Variants in ROBO1 observed in about 807,000 individuals in gnomAD.
The protein encoded by ROBO1 is roundabout guidance receptor 1.
ROBO1 carries 149 observed loss-of-function variants against 195.9 expected under a neutral mutation model. The ratio of observed to expected loss-of-function variants is 0.76; its 90% CI spans 0.67 to 0.87. The LOEUF (loss-of-function observed/expected upper bound fraction) is 0.87. Among genes scored for constraint, ROBO1 ranks in the 40% least tolerant of loss-of-function variants. ROBO1 has a pLI of 0.00. For missense variants in ROBO1, 1,933 were observed against 2,068.3 expected (o/e 0.93, Z 1.27); for synonymous variants, 816 against 733.2 (o/e 1.11, Z -1.82).
chr3:78,714,259 A>G, intron 8 of ROBO1, 138 bp downstream of exon 8: 3 of 805,742 alleles, frequency 3.7e-6, no homozygotes, highest in East Asian at 6.1e-5. Context: ...TGTTCTTTAA[A>G]TATGTTTGAA....
chr3:79,345,623 A>C (rs982427615), intron 2 of ROBO1, among the ~76,000 whole-genome samples: 41 of 152,006 alleles, frequency 2.7e-4, no homozygotes, highest in African/African-American at 9.4e-4. Context: ...AAAGACCCAC[A>C]CCGTTTTTGC....
chr3:79,566,512 C>G (rs1943093576), intron 2 of ROBO1, among the ~76,000 whole-genome samples: 1 of 152,042 alleles, frequency 6.6e-6, no homozygotes, highest in African/African-American at 2.4e-5. Context: ...GCAAAACTAT[C>G]ACTTAAAAAA....
intron 2 of ROBO1, among the ~76,000 whole-genome samples, chr3:79,383,221 T>C (rs1047626782): frequency 6.6e-6 from 1 of 152,152 alleles, no homozygotes; most frequent in Non-Finnish European, 1.5e-5. Flanking sequence ...TATTTTTGAC[T>C]ACCTGAAATG....
intron 2 of ROBO1, among the ~76,000 whole-genome samples, chr3:79,304,825 T>C (rs1461240840): frequency 1.3e-5 from 2 of 152,258 alleles, no homozygotes; most frequent in Admixed American, 1.3e-4. Flanking sequence ...TTTACATTTC[T>C]GTGTACATTT....
intron 1 of ROBO1, among the ~76,000 whole-genome samples, chr3:79,676,348 T>C (rs1278014847): frequency 3.3e-5 from 5 of 152,078 alleles, no homozygotes; most frequent in Non-Finnish European, 7.4e-5. Context: ...GCAAACCATT[T>C]CACTATCACA....
intron 1 of ROBO1, among the ~76,000 whole-genome samples, chr3:79,744,832 C>G (rs1241594920): frequency 6.6e-6 from 1 of 151,890 alleles, no homozygotes; most frequent in Non-Finnish European, 1.5e-5. Flanking sequence ...TACATTTTTA[C>G]AAAAATTCCA....
intron 3 of ROBO1, among the ~76,000 whole-genome samples, chr3:78,967,647 T>C (rs2076676932): frequency 6.6e-6 from 1 of 152,200 alleles, no homozygotes; most frequent in Non-Finnish European, 1.5e-5. Flanking sequence ...TTTGTGGAGT[T>C]CTATAGCTGT....
At chr3:78,998,110 C>T (rs945675189) in intron 3 of ROBO1, among the ~76,000 whole-genome samples, 2 of 152,110 alleles carry the variant, frequency 1.3e-5, no homozygotes, top group African/African-American at 2.4e-5. Flanking sequence ...ACTCCATACC[C>T]CATGGTTTTT....
chr3:79,331,276 T>C (rs995424325), intron 2 of ROBO1, among the ~76,000 whole-genome samples: 1 of 152,136 alleles, frequency 6.6e-6, no homozygotes, highest in Non-Finnish European at 1.5e-5. Flanking sequence ...AAAACCCAAT[T>C]TGATGTTGAA....
intron 2 of ROBO1, among the ~76,000 whole-genome samples, chr3:79,337,247 G>C (rs1396850980): frequency 1.3e-5 from 2 of 152,148 alleles, no homozygotes; most frequent in Non-Finnish European, 2.9e-5. Context: ...ATGAGATTTG[G>C]GAGGGGCCAG....
intron 1 of ROBO1, among the ~76,000 whole-genome samples, chr3:79,714,545 C>T (rs1702402475): frequency 6.6e-6 from 1 of 151,790 alleles, no homozygotes; most frequent in East Asian, 1.9e-4. Context: ...AAGACACATG[C>T]ACATGTATGT....
At chr3:78,786,557 A>T (rs1459626303) in intron 4 of ROBO1, among the ~76,000 whole-genome samples, 4 of 152,022 alleles carry the variant, frequency 2.6e-5, no homozygotes, top group Non-Finnish European at 5.9e-5. Context: ...CATAATCTCC[A>T]CATGTCGTGG....
At chr3:79,220,261 C>T (rs2108823454) in intron 2 of ROBO1, among the ~76,000 whole-genome samples, 1 of 151,636 alleles carries the variant, frequency 6.6e-6, no homozygotes, top group Non-Finnish European at 1.5e-5. Context: ...TCAGGCAGGG[C>T]AAAAAAGAAA....
At chr3:79,395,209 C>A (rs1204010300) in intron 2 of ROBO1, among the ~76,000 whole-genome samples, 1 of 151,008 alleles carries the variant, frequency 6.6e-6, no homozygotes, top group African/African-American at 2.4e-5. Context: ...GTGGTCCCAG[C>A]TACTCAGGAA....
chr3:78,832,016 T>TATATGAAATTAATAAGGGG (rs71127363), intron 4 of ROBO1, among the ~76,000 whole-genome samples: 5 of 152,000 alleles, frequency 3.3e-5, no homozygotes, highest in Non-Finnish European at 5.9e-5. Context: ...ATATCAGGTA[T>TATATGAAATTAATAAGGGG]GAGGAAATGA....
At chr3:78,963,520 T>G (rs193408) in intron 3 of ROBO1, among the ~76,000 whole-genome samples, 1 of 119,356 alleles carries the variant, frequency 8.4e-6, no homozygotes, top group South Asian at 2.4e-4. Context: ...TTTTTTTTTT[T>G]CTTTTTTTTT....
At chr3:79,027,224 A>C (rs2078218508) in intron 3 of ROBO1, among the ~76,000 whole-genome samples, 1 of 152,014 alleles carries the variant, frequency 6.6e-6, no homozygotes. Flanking sequence ...TTGAAATTGT[A>C]CTCGAGTTTC....
chr3:79,156,656 A>T (rs1195221517), intron 2 of ROBO1, among the ~76,000 whole-genome samples: 1 of 151,864 alleles, frequency 6.6e-6, no homozygotes, highest in African/African-American at 2.4e-5. Context: ...GATGATCTGG[A>T]CAAAAGGTCC....
chr3:78,622,716 C>T (rs1265735802), intron 26 of ROBO1, among the ~76,000 whole-genome samples: 1 of 152,164 alleles, frequency 6.6e-6, no homozygotes, highest in Non-Finnish European at 1.5e-5. Context: ...TGCACCAGTT[C>T]TAAATGTTAA....
Sources: gnomAD v4.1 joint callset for allele counts (sites outside exome capture counted in the v4.1 genomes callset) on GRCh38, gnomAD v4.1.1 for gene constraint, MANE v1.5 for transcripts, NCBI Gene and HGNC (gene_info 2026-07-23, HGNC 2026-07-21) for gene names.